The following STRN3 variants were observed in gnomAD, a reference collection of about 807,000 sequenced individuals.
STRN3 encodes the protein striatin-3.
A neutral mutation model predicts 95.6 loss-of-function variants in STRN3; 29 were observed. The observed-to-expected ratio is 0.30, with a 90% CI of 0.23 to 0.41. STRN3 has a LOEUF of 0.41. Among genes scored for constraint, STRN3 ranks in the 10% least tolerant of loss-of-function variants. The pLI is 1.00. For synonymous variants in STRN3, 331 were observed against 357.6 expected, an observed-to-expected ratio of 0.93 and a Z score of 0.84; for missense variants, 890 against 972.1, an observed-to-expected ratio of 0.92 and a Z score of 1.12.
intron 16 of STRN3, among the ~76,000 whole-genome samples, chr14:30,900,894 A>G (rs530544529): frequency 1.3e-5 from 2 of 152,162 alleles, no homozygotes; most frequent in East Asian, 3.8e-4. Context: ...TGCTTATTTG[A>G]TATTGAGTAA....
rs1896061870 is a variant in STRN3 at position 30,893,995 on chromosome 14, A to G, written c.*1416T>C. On this transcript the variant is annotated 3_prime_UTR_variant, in exon 18 of 18. Transcript: ENST00000357479. ...AAAATTTGCTGATTCATAGTTTGTA[A>G]AACAAAAACCTTACAAAACTCATCA... The G allele has an allele frequency of 6.6e-6, 1 of 152,604 alleles. No homozygotes were observed. The highest frequency in any genetic ancestry group is 2.1e-4 in the South Asian group (1 of 4,828). The allele number at this position is 152,604 out of a possible 1,614,324, so 9.5% of individuals were successfully genotyped here.
chr14:31,021,747 G>A (rs1394931799), intron 1 of STRN3, among the ~76,000 whole-genome samples: 1 of 152,156 alleles, frequency 6.6e-6, no homozygotes, highest in Admixed American at 6.6e-5. Flanking sequence ...CGGTTTATAA[G>A]GCCAAAGGAT....
rs1021853750 is a variant in STRN3 at position 31,026,212 on chromosome 14, A to G, written c.-27T>C. The G allele has an allele frequency of 2.5e-5, 35 of 1,387,608 alleles. No individual in the cohort carries two copies. The highest frequency in any genetic ancestry group is 3.1e-5 in the Non-Finnish European group (34 of 1,079,828). 86.0% of individuals were successfully genotyped at this position (1,387,608 alleles called of 1,614,324 possible). A position where few individuals can be genotyped will look rare whatever the true frequency, so the allele number is the denominator to read the frequency against. On this transcript the variant is annotated 5_prime_UTR_variant, in exon 1 of 18. Transcript: ENST00000357479. ...GTGTGTGGGGCCCCGGCCGGGGCGC[A>G]GGGCGAGACGCCGACAGCTGGGGGA...
chr14:30,942,401 C>G (rs1293805470), intron 5 of STRN3, among the ~76,000 whole-genome samples: 1 of 152,052 alleles, frequency 6.6e-6, no homozygotes, highest in Non-Finnish European at 1.5e-5. Context: ...TCTAAAGAGA[C>G]AACAGAATCT....
intron 1 of STRN3, among the ~76,000 whole-genome samples, chr14:30,976,749 A>G (rs1469334418): frequency 6.6e-6 from 1 of 152,246 alleles, no homozygotes; most frequent in Non-Finnish European, 1.5e-5. Flanking sequence ...AGGAAATTAA[A>G]CATACTTGTA....
intron 3 of STRN3, among the ~76,000 whole-genome samples, chr14:30,951,667 G>A (rs1205282241): frequency 3.9e-5 from 6 of 152,076 alleles, no homozygotes; most frequent in African/African-American, 9.7e-5. Flanking sequence ...ACCTTAATAT[G>A]GGGTCTATAT....
intron 1 of STRN3, among the ~76,000 whole-genome samples, chr14:31,021,195 G>T (rs1276085332): frequency 6.6e-6 from 1 of 152,092 alleles, no homozygotes; most frequent in African/African-American, 2.4e-5. Context: ...CTGAATGGAT[G>T]TATTGAATTT....
chr14:30,902,095 C>G (rs1304012981), intron 16 of STRN3, among the ~76,000 whole-genome samples: 2 of 138,394 alleles, frequency 1.4e-5, no homozygotes, highest in African/African-American at 5.4e-5. Flanking sequence ...CGCTTGAACT[C>G]AAGAGGCCGA....
At chr14:31,025,575 C>T (rs1204487257) in intron 1 of STRN3, 2 of 411,662 alleles carry the variant, frequency 4.9e-6, no homozygotes, top group Non-Finnish European at 9.0e-6. Flanking sequence ...CGGACTCTCC[C>T]ACAGAGAGGT....
chr14:30,902,771 C>CT (rs1238712313), intron 15 of STRN3, 128 bp from the exon 16 acceptor site: 1 of 634,958 alleles, frequency 1.6e-6, no homozygotes, highest in African/African-American at 1.9e-5. Flanking sequence ...AACAAAAAAT[C>CT]TGAGAACCAA....
chr14:31,017,717 A>C (rs1261910486), intron 1 of STRN3, among the ~76,000 whole-genome samples: 1 of 152,072 alleles, frequency 6.6e-6, no homozygotes, highest in Admixed American at 6.6e-5. Context: ...CTTTCTGCTA[A>C]ATTTTGCTGT....
intron 1 of STRN3, among the ~76,000 whole-genome samples, chr14:31,012,095 C>G (rs933929198): frequency 1.3e-5 from 2 of 152,144 alleles, no homozygotes; most frequent in African/African-American, 4.8e-5. Context: ...AAAAAGAAAA[C>G]AAAAAAGCAA....
At chr14:30,964,009 T>C (rs1347759580) in intron 1 of STRN3, among the ~76,000 whole-genome samples, 2 of 152,162 alleles carry the variant, frequency 1.3e-5, no homozygotes, top group Non-Finnish European at 2.9e-5. Flanking sequence ...GCCAACACTT[T>C]GAGAGGCTGA....
chr14:30,907,075 G>C (rs773799951), intron 13 of STRN3, 31 bp from the exon 14 acceptor site: 58 of 1,587,250 alleles, frequency 3.7e-5, no homozygotes, highest in Non-Finnish European at 3.5e-5. Context: ...CAAAAAATTA[G>C]GTAAAAGAAG....
rs546748871 is a variant in STRN3, at chr14:31,006,304, T to C, written c.282+19600A>G. Among the ~76,000 whole-genome samples the C allele has an allele frequency of 2.6e-5, 4 of 151,930 alleles. No homozygotes were observed. The East Asian group carries it at 7.8e-4, about 29-fold the overall frequency. On this transcript the variant is annotated intron_variant, in intron 1 of 17. Coordinates refer to ENST00000357479, the MANE Select transcript of STRN3 (RefSeq NM_001083893.2). ...GTATGGTGGCTCATGCCTGTAATCC[T>C]AGAACTCTGAAAGGCTGAGGCAGGA...
chr14:30,994,138 A>C (rs755076871), intron 1 of STRN3, among the ~76,000 whole-genome samples: 7 of 151,976 alleles, frequency 4.6e-5, no homozygotes, highest in Non-Finnish European at 7.4e-5. Flanking sequence ...GGCCTCCCAA[A>C]GTGCTGGGAT....
intron 1 of STRN3, among the ~76,000 whole-genome samples, chr14:30,992,260 A>C (rs916007869): frequency 6.6e-6 from 1 of 151,902 alleles, no homozygotes; most frequent in East Asian, 1.9e-4. Flanking sequence ...AAAATACAAA[A>C]ATTAGCTGGG....
At chr14:30,911,610 T>A (rs144319307) in intron 12 of STRN3, among the ~76,000 whole-genome samples, 167 bp downstream of exon 12, 183 of 152,302 alleles carry the variant, frequency 1.2e-3, no homozygotes, top group African/African-American at 4.3e-3. Context: ...GCCTGAATGG[T>A]ACTATTATAT....
intron 8 of STRN3, among the ~76,000 whole-genome samples, chr14:30,920,864 C>T (rs1896861363): frequency 6.6e-6 from 1 of 152,150 alleles, no homozygotes; most frequent in Non-Finnish European, 1.5e-5. Flanking sequence ...AAATCATGTA[C>T]TTAACCTTTC....
Sources: gnomAD v4.1 joint callset for allele counts (sites outside exome capture counted in the v4.1 genomes callset) on GRCh38, gnomAD v4.1.1 for gene constraint, MANE v1.5 for transcripts, NCBI Gene and HGNC (gene_info 2026-07-23, HGNC 2026-07-21) for gene names.